Variants in TLE3 observed in about 807,000 individuals in gnomAD.
The protein encoded by TLE3 is transducin-like enhancer protein 3.
In TLE3, 14 loss-of-function variants were observed where a neutral mutation model predicts 93.0. The ratio of observed to expected loss-of-function variants is 0.15; its 90% confidence interval spans 0.10 to 0.24. The LOEUF (loss-of-function observed/expected upper bound fraction) is 0.24. Among genes scored for constraint, TLE3 ranks in the 10% least tolerant of loss-of-function variants. The probability of loss-of-function intolerance (pLI) is 1.00; values close to 1 mark genes in which losing one functional copy is unlikely to be tolerated. For missense variants in TLE3, 693 were observed against 1,046.6 expected, an observed-to-expected ratio of 0.66 and a Z score of 4.66; for synonymous variants, 451 against 425.0, an observed-to-expected ratio of 1.06 and a Z score of -0.75.
At chr15:70,074,231 G>C (rs567246767) in intron 6 of TLE3, among the ~76,000 whole-genome samples, 1 of 152,312 alleles carries the variant, frequency 6.6e-6, no homozygotes, top group East Asian at 1.9e-4. Flanking sequence ...GGTGACCCTA[G>C]GCCCCCACCC....
intron 6 of TLE3, chr15:70,067,063 T>C (rs926891623): frequency 6.0e-6 from 1 of 165,866 alleles, no homozygotes; most frequent in African/African-American, 2.4e-5. Context: ...TTAAAATGGA[T>C]TGCTGAACCC....
chr15:70,065,977 C>CA, intron 7 of TLE3, 37 bp downstream of exon 7: 98 of 1,332,202 alleles, frequency 7.4e-5, no homozygotes, highest in Middle Eastern at 2.3e-4. Context: ...ATGCCCACCC[C>CA]TGCCCCGCCC....
chr15:70,057,712 A>G, intron 12 of TLE3, 54 bp from the exon 13 acceptor site: 1 of 1,531,538 alleles, frequency 6.5e-7, no homozygotes, highest in African/African-American at 1.4e-5. Flanking sequence ...GGACATGGCC[A>G]TGGCCGCCTC....
chr15:70,079,574 C>A, intron 4 of TLE3: 1 of 382,348 alleles, frequency 2.6e-6, no homozygotes, highest in South Asian at 1.9e-5. Context: ...GGGCCTCCCC[C>A]ATCTCTACAA....
At chr15:70,074,165 C>T (rs1168978249) in intron 6 of TLE3, among the ~76,000 whole-genome samples, 1 of 152,246 alleles carries the variant, frequency 6.6e-6, no homozygotes, top group East Asian at 1.9e-4. Context: ...GGCAGACAGG[C>T]CCCGGGGTAA....
intron 5 of TLE3, 44 bp downstream of exon 5, chr15:70,076,052 C>T: frequency 6.3e-7 from 1 of 1,595,432 alleles, no homozygotes; most frequent in Non-Finnish European, 8.6e-7. Context: ...AGCCACTGGG[C>T]TGATTTGGAA....
intron 4 of TLE3, among the ~76,000 whole-genome samples, chr15:70,087,718 A>G (rs1390295788): frequency 2.0e-5 from 3 of 152,232 alleles, no homozygotes; most frequent in Non-Finnish European, 4.4e-5. Flanking sequence ...CAGGCCCCAC[A>G]GATGGGAAGT....
rs372002227 is a variant in TLE3, at chr15:70,094,472, A to C, written c.234+60T>G. ...CTTTCAAACAAGAGAGAACATAAGAAGTCCACATATATAAGTTTTTAAAAA... is the reference window on the plus strand; with the variant it reads ...CTTTCAAACAAGAGAGAACATAAGACGTCCACATATATAAGTTTTTAAAAA... On this transcript the variant is annotated intron_variant, in intron 4 of 19. Coordinates refer to ENST00000451782, the MANE Select transcript of TLE3 (RefSeq NM_001105192.3). 5 of 1,264,412 alleles carry C rather than the reference A, an allele frequency of 4.0e-6. No individual in the cohort carries two copies. The African/African-American group carries it at 4.6e-5, about 12-fold the overall frequency. 78.3% of individuals were successfully genotyped at this position (1,264,412 alleles called of 1,614,324 possible).
chr15:70,096,591 A>C, intron 1 of TLE3, 184 bp downstream of exon 1: 1 of 1,528,626 alleles, frequency 6.5e-7, no homozygotes, highest in Non-Finnish European at 8.8e-7. Flanking sequence ...CCCCCGCGCC[A>C]CTCGCGCGGA....
intron 13 of TLE3, 52 bp downstream of exon 13, chr15:70,057,407 G>A: frequency 6.5e-7 from 1 of 1,530,350 alleles, no homozygotes; most frequent in South Asian, 1.2e-5. Flanking sequence ...CCAACCACTG[G>A]CTCCCCACAC....
At chr15:70,052,837 TA>T (rs953676608) in intron 17 of TLE3, 76 of 302,498 alleles carry the variant, frequency 2.5e-4, no homozygotes, top group African/African-American at 1.6e-3. Flanking sequence ...TAAGAAATAA[TA>T]ATCCCTGGCA....
chr15:70,079,988 A>C (rs1427798259), intron 4 of TLE3, among the ~76,000 whole-genome samples: 1 of 151,922 alleles, frequency 6.6e-6, no homozygotes, highest in Non-Finnish European at 1.5e-5. Context: ...AATTGACAGC[A>C]CTTCTGATTA....
chr15:70,065,984 G>GGCCCCC, intron 7 of TLE3, 30 bp downstream of exon 7: 1 of 768,866 alleles, frequency 1.3e-6, no homozygotes, highest in Non-Finnish European at 2.1e-6. Context: ...CCCCTGCCCC[G>GGCCCCC]CCCCACCCTC....
intron 6 of TLE3, among the ~76,000 whole-genome samples, chr15:70,072,855 C>G (rs1008904257): frequency 2.0e-5 from 3 of 152,220 alleles, no homozygotes; most frequent in Non-Finnish European, 4.4e-5. Flanking sequence ...TCAAGGTTGA[C>G]GATCCCCGGG....
rs546742759 is a variant in TLE3, at chr15:70,075,213, G to A, written c.298-606C>T. The stretch of plus-strand genomic sequence containing the variant: ...TAAACTACGGACTTTGGGTGATGAT[G>A]TGTCAATGTAGATTCATCAGTTTCA... On this transcript the variant is annotated intron_variant, in intron 5 of 19. Coordinates refer to ENST00000451782, the MANE Select transcript of TLE3 (RefSeq NM_001105192.3). Among the ~76,000 whole-genome samples, 7 of 152,360 alleles carry A rather than the reference G, an allele frequency of 4.6e-5. No homozygotes were observed. The South Asian group carries it at 1.2e-3, about 27-fold the overall frequency.
At chr15:70,056,494 G>A in intron 13 of TLE3, 120 bp from the exon 14 acceptor site, 1 of 874,692 alleles carries the variant, frequency 1.1e-6, no homozygotes, top group Non-Finnish European at 1.8e-6. Context: ...TAACCCAAGA[G>A]ACAAGCTGAG....
intron 4 of TLE3, among the ~76,000 whole-genome samples, chr15:70,084,061 C>T (rs2057924819): frequency 1.3e-5 from 2 of 152,168 alleles, no homozygotes; most frequent in African/African-American, 2.4e-5. Context: ...ATATGATATG[C>T]TCCTTCTCAA....
At chr15:70,083,188 T>G (rs979390337) in intron 4 of TLE3, among the ~76,000 whole-genome samples, 21 of 152,138 alleles carry the variant, frequency 1.4e-4, no homozygotes, top group African/African-American at 2.9e-4. Flanking sequence ...GAGCATTCCA[T>G]GGAGACCCAA....
intron 6 of TLE3, among the ~76,000 whole-genome samples, chr15:70,072,782 C>A (rs115617208): frequency 6.6e-6 from 1 of 152,338 alleles, no homozygotes; most frequent in African/African-American, 2.4e-5. Flanking sequence ...GCCAAGGATG[C>A]TGCTGAACAT....
Sources: allele counts gnomAD v4.1 joint callset (sites outside exome capture counted in the v4.1 genomes callset), GRCh38; gene constraint gnomAD v4.1.1; transcripts MANE v1.5; gene names NCBI Gene and HGNC (gene_info 2026-07-23, HGNC 2026-07-21).